CTBP2: variants seen among roughly 807,000 people sequenced by gnomAD.
The protein encoded by CTBP2 is C-terminal-binding protein 2.
A neutral mutation model predicts 80.3 loss-of-function variants in CTBP2; 30 were observed. The ratio of observed to expected loss-of-function variants is 0.37; its 90% CI spans 0.28 to 0.51. The LOEUF is 0.51. Among genes scored for constraint, CTBP2 ranks in the 20% least tolerant of loss-of-function variants. The pLI is 0.93. For synonymous variants in CTBP2, 594 were observed against 587.4 expected (o/e 1.01, Z -0.16); for missense variants, 1,212 against 1,375.3 (o/e 0.88, Z 1.88).
chr10:125,068,615 G>A (rs926944802), intron 2 of CTBP2, among the ~76,000 whole-genome samples: 4 of 152,182 alleles, frequency 2.6e-5, no homozygotes, highest in East Asian at 3.8e-4. Flanking sequence ...TGGCTGTCCC[G>A]GAACAAGATG....
intron 1 of CTBP2, among the ~76,000 whole-genome samples, chr10:125,124,100 C>T (rs886882537): frequency 6.6e-6 from 1 of 152,240 alleles, no homozygotes; most frequent in East Asian, 1.9e-4. Context: ...CAACACCCAG[C>T]TTGCTCAAAG....
Position 125,028,013 on chromosome 10 carries a change from A to C in CTBP2, c.-254T>G. ...CAGAGAGGTCTGTTCCTTACAGCTC[A>C]GTCCCGGAGAGGAGGCTGTCCCCAG... is the stretch of plus-strand genomic sequence containing the variant. On this transcript the variant is annotated 5_prime_UTR_variant, in exon 1 of 9. Transcript: ENST00000309035. 9.8e-7 allele frequency: 1 copy of C among 1,015,642 alleles called. No homozygotes were observed. Among genetic ancestry groups the C allele is most frequent in the Non-Finnish European group, 1.3e-6 (1 of 779,168 alleles). The allele number at this position is 1,015,642 out of a possible 1,614,324, so 62.9% of individuals were successfully genotyped here. A position where few individuals can be genotyped will look rare whatever the true frequency, so the allele number is the denominator to read the frequency against.
intron 2 of CTBP2, among the ~76,000 whole-genome samples, chr10:125,098,153 C>T (rs1849840004): frequency 6.6e-6 from 1 of 152,100 alleles, no homozygotes; most frequent in African/African-American, 2.4e-5. Context: ...GCCAACAATA[C>T]CAGTAACAGC....
chr10:125,129,452 G>A (rs1228299127), intron 1 of CTBP2, among the ~76,000 whole-genome samples: 1 of 152,058 alleles, frequency 6.6e-6, no homozygotes, highest in Non-Finnish European at 1.5e-5. Flanking sequence ...AAAACAGAAA[G>A]AACCACAAAC....
At chr10:124,995,639 C>G (rs894024521) in intron 4 of CTBP2, among the ~76,000 whole-genome samples, 2 of 152,186 alleles carry the variant, frequency 1.3e-5, no homozygotes, top group African/African-American at 2.4e-5. Context: ...CTGGCTAGGA[C>G]AACTGCCGTA....
chr10:124,992,877 C>T (rs903344972), intron 7 of CTBP2, 65 bp from the exon 10 acceptor site: 21 of 1,211,528 alleles, frequency 1.7e-5, no homozygotes, highest in Middle Eastern at 3.9e-4. Flanking sequence ...CAACATTACA[C>T]CTGTAGCTGC....
intron 1 of CTBP2, among the ~76,000 whole-genome samples, chr10:125,128,979 A>G (rs1855710038): frequency 6.6e-6 from 1 of 152,236 alleles, no homozygotes; most frequent in Non-Finnish European, 1.5e-5. Flanking sequence ...AAAAGGAACA[A>G]GAGAATAATC....
chr10:125,070,876 G>A (rs1590524600), intron 2 of CTBP2, among the ~76,000 whole-genome samples: 6 of 152,112 alleles, frequency 3.9e-5, no homozygotes, highest in Admixed American at 3.9e-4. Context: ...TGGCCAGGCT[G>A]CTCTCAGTCT....
intron 1 of CTBP2, among the ~76,000 whole-genome samples, chr10:125,129,484 A>C (rs952415588): frequency 8.5e-5 from 13 of 152,090 alleles, no homozygotes; most frequent in Non-Finnish European, 1.9e-4. Flanking sequence ...AGGTCATGAG[A>C]CCCGTGCTCC....
At chr10:125,133,239 A>G (rs917685861) in intron 1 of CTBP2, among the ~76,000 whole-genome samples, 7 of 152,166 alleles carry the variant, frequency 4.6e-5, no homozygotes, top group Non-Finnish European at 1.0e-4. Context: ...ACTCTTGCCC[A>G]TAGCCTCCAT....
rs948923278 is a variant in CTBP2, at chr10:125,135,246, T to C, written c.-205-24153A>G. 4.6e-5 allele frequency among the ~76,000 whole-genome samples: 7 copies of C among 152,004 alleles called. 1 individual carries two copies. Among genetic ancestry groups the C allele is most frequent in the Admixed American group, 3.3e-4 (5 of 15,260 alleles). On this transcript the variant is annotated intron_variant, in intron 1 of 10. Coordinates refer to the CTBP2 transcript ENST00000337195. ...GCCCAGGAATGCCTCCAGGTGTCCT[T>C]TGTTCCCTGCAGCACCCGCTCCACC...
Position 125,026,992 on chromosome 10 carries a change from G to A in CTBP2, c.768C>T (p.Gly256=). The A allele has an allele frequency of 3.1e-6, 5 of 1,613,996 alleles. No homozygotes were observed. Among genetic ancestry groups the A allele is most frequent in the Non-Finnish European group, 3.4e-6 (4 of 1,180,024 alleles). The stretch of plus-strand genomic sequence containing the variant: ...GGATGCTTTCCCGGGCAGGCCCGTA[G>A]CCACGATTCAGGGCCCCTGGGGCCA... The change falls in exon 1 of 9, where the codon GGC becomes GGT. Residue 256 remains glycine, a synonymous_variant. Transcript: ENST00000309035.
At chr10:125,070,569 GATA>G (rs569686843) in intron 2 of CTBP2, among the ~76,000 whole-genome samples, 5 of 149,008 alleles carry the variant, frequency 3.4e-5, no homozygotes, top group South Asian at 2.1e-4. Flanking sequence ...AAATGATAAT[GATA>G]ATAATAATAA....
intron 2 of CTBP2, among the ~76,000 whole-genome samples, chr10:125,070,827 G>A (rs530171595): frequency 3.1e-4 from 38 of 123,674 alleles, no homozygotes; most frequent in Non-Finnish European, 5.6e-4. Context: ...CGCCACGCCC[G>A]GCTAATTTTG....
At chr10:125,096,335 G>A (rs1012224753) in intron 2 of CTBP2, among the ~76,000 whole-genome samples, 3 of 152,140 alleles carry the variant, frequency 2.0e-5, no homozygotes, top group African/African-American at 7.2e-5. Context: ...GGGAAAAAAT[G>A]TCTCCAAGTT....
intron 2 of CTBP2, among the ~76,000 whole-genome samples, chr10:125,101,234 T>C (rs1366537594): frequency 6.6e-6 from 1 of 152,260 alleles, no homozygotes. Context: ...GAAGTGGCCG[T>C]GTTCCCGGCC....
chr10:125,022,567 C>T (rs778085488), intron 1 of CTBP2, among the ~76,000 whole-genome samples: 13 of 152,224 alleles, frequency 8.5e-5, no homozygotes, highest in Admixed American at 3.3e-4. Flanking sequence ...TCTAAGCTCA[C>T]GCTGGGCTCT....
intron 4 of CTBP2, chr10:124,996,044 C>CTTTTTTTT (rs1953467020): frequency 2.6e-5 from 2 of 75,608 alleles, no homozygotes; most frequent in African/African-American, 1.3e-4. Context: ...ACGGCTATTT[C>CTTTTTTTT]TTTGTTTTTT....
chr10:125,002,365 C>T (rs903473834), intron 3 of CTBP2, among the ~76,000 whole-genome samples: 7 of 152,238 alleles, frequency 4.6e-5, no homozygotes, highest in Non-Finnish European at 8.8e-5. Context: ...TGCATGGGGC[C>T]GATAAGCAGC....
Sources: gnomAD v4.1 joint callset for allele counts (sites outside exome capture counted in the v4.1 genomes callset) on GRCh38, gnomAD v4.1.1 for gene constraint, MANE v1.5 for transcripts, NCBI Gene and HGNC (gene_info 2026-07-23, HGNC 2026-07-21) for gene names.